The following ZC4H2 variants were observed in gnomAD, a reference collection of about 807,000 sequenced individuals.
ZC4H2 encodes zinc finger C4H2-type containing.
For synonymous variants in ZC4H2, 84 were observed against 66.3 expected, an observed-to-expected ratio of 1.27 and a Z score of -1.30; for missense variants, 137 against 173.9, an observed-to-expected ratio of 0.79 and a Z score of 1.19.
intron 1 of ZC4H2, among the ~76,000 whole-genome samples, chrX:64,950,159 T>G (rs1461560308): frequency 8.9e-6 from 1 of 111,922 alleles, no homozygotes; most frequent in Non-Finnish European, 1.9e-5. Flanking sequence ...TGAGCGGTTT[T>G]GAGTGAGTTT....
chrX:65,017,273 T>C (rs917909186), intron 1 of ZC4H2, among the ~76,000 whole-genome samples: 1 of 112,008 alleles, frequency 8.9e-6, no homozygotes, highest in African/African-American at 3.2e-5. Flanking sequence ...TCAATTATTT[T>C]GTTTATCCTC....
intron 1 of ZC4H2, among the ~76,000 whole-genome samples, chrX:64,993,066 A>G (rs998548515): frequency 4.5e-5 from 5 of 112,219 alleles, no homozygotes; most frequent in African/African-American, 1.6e-4. Context: ...CCTCCACCAT[A>G]GAGTTGCAAG....
intron 1 of ZC4H2, among the ~76,000 whole-genome samples, chrX:65,009,484 T>A (rs1280839243): frequency 8.9e-6 from 1 of 111,945 alleles, no homozygotes; most frequent in Non-Finnish European, 1.9e-5. Context: ...TGCCCCAGAA[T>A]CCTCTATCCT....
intron 1 of ZC4H2, among the ~76,000 whole-genome samples, chrX:64,954,387 T>A (rs1931064738): frequency 2.7e-5 from 2 of 73,245 alleles, no homozygotes; most frequent in East Asian, 3.3e-4. Context: ...TATATATTTA[T>A]AATTATATAT....
chrX:64,932,664 G>A lies in ZC4H2; in HGVS notation c.54-10676C>T, dbSNP rs890870186. 2.1e-3 allele frequency among the ~76,000 whole-genome samples: 229 copies of A among 111,551 alleles called. 2 individuals carry two copies. The highest frequency in any genetic ancestry group is 7.2e-3 in the African/African-American group (222 of 30,820). ...GAAAATTTTAGGGTGACATTATTTT[G>A]TTTCAGGAGGTGAAAGGTAAGACTC... On this transcript the variant is annotated intron_variant, in intron 1 of 4. Transcript: ENST00000374839.
At chrX:64,970,915 T>C (rs1339575811) in intron 1 of ZC4H2, among the ~76,000 whole-genome samples, 1 of 111,641 alleles carries the variant, frequency 9.0e-6, no homozygotes, top group Non-Finnish European at 1.9e-5. Flanking sequence ...ATGAATGCCA[T>C]GGAAACACCG....
At chrX:64,944,374 A>T (rs903659452) in intron 1 of ZC4H2, among the ~76,000 whole-genome samples, 12 of 108,260 alleles carry the variant, frequency 1.1e-4, no homozygotes, top group African/African-American at 2.4e-4. Context: ...CAATCTCAAA[A>T]TTTTTTTTCT....
chrX:64,952,556 C>T (rs1391018927), intron 1 of ZC4H2, among the ~76,000 whole-genome samples: 3 of 111,091 alleles, frequency 2.7e-5, no homozygotes, highest in Non-Finnish European at 3.8e-5. Flanking sequence ...CATGAGTGAA[C>T]TCCCTTTCAC....
upstream of ZC4H2, among the ~76,000 whole-genome samples, chrX:64,978,420 T>G (rs1932013038): frequency 8.9e-6 from 1 of 112,232 alleles, no homozygotes; most frequent in South Asian, 3.7e-4. Flanking sequence ...ATTGAGTTGG[T>G]TAGTCACAAA....
chrX:64,936,589 A>G (rs771930347), intron 1 of ZC4H2, among the ~76,000 whole-genome samples: 15 of 112,186 alleles, frequency 1.3e-4, no homozygotes, highest in African/African-American at 4.5e-4. Context: ...CAGAAACCCT[A>G]GAAGCCAGAA....
At chrX:65,001,326 T>C (rs1025413620) in intron 1 of ZC4H2, among the ~76,000 whole-genome samples, 1 of 111,782 alleles carries the variant, frequency 8.9e-6, no homozygotes, top group Non-Finnish European at 1.9e-5. Context: ...CAGCCCAGAA[T>C]TTCATATCCA....
At chrX:64,997,082 A>G (rs1030053016) in intron 1 of ZC4H2, among the ~76,000 whole-genome samples, 1 of 112,354 alleles carries the variant, frequency 8.9e-6, no homozygotes, top group Non-Finnish European at 1.9e-5. Context: ...AGACAAAGAG[A>G]TAATCTTGAA....
intron 1 of ZC4H2, among the ~76,000 whole-genome samples, chrX:65,029,651 T>A (rs1431511939): frequency 9.0e-6 from 1 of 111,607 alleles, no homozygotes; most frequent in Non-Finnish European, 1.9e-5. Context: ...AGGTGCTAGA[T>A]GAGACAAAGA....
chrX:65,020,641 T>C (rs998314715), intron 1 of ZC4H2, among the ~76,000 whole-genome samples: 72 of 110,934 alleles, frequency 6.5e-4, no homozygotes, highest in African/African-American at 2.3e-3. Flanking sequence ...ATGGGAAAAA[T>C]AAGCAGCTAC....
At chrX:64,973,214 C>T (rs1247457340) in intron 1 of ZC4H2, among the ~76,000 whole-genome samples, 2 of 110,090 alleles carry the variant, frequency 1.8e-5, no homozygotes, top group African/African-American at 6.6e-5. Context: ...GTTCATTCTC[C>T]GTAATTTTAG....
At chrX:64,997,872 C>T (rs1932450032) in intron 1 of ZC4H2, among the ~76,000 whole-genome samples, 1 of 111,813 alleles carries the variant, frequency 8.9e-6, no homozygotes, top group Non-Finnish European at 1.9e-5. Flanking sequence ...CCTGGCTCAG[C>T]CTTCCAAAAT....
At chrX:65,014,229 G>T (rs1421583802) in intron 1 of ZC4H2, among the ~76,000 whole-genome samples, 1 of 111,195 alleles carries the variant, frequency 9.0e-6, no homozygotes, top group Non-Finnish European at 1.9e-5. Flanking sequence ...AAACAACAGG[G>T]CTGCTTGTGG....
chrX:64,993,510 G>A (rs911508385), intron 1 of ZC4H2, among the ~76,000 whole-genome samples: 7 of 111,264 alleles, frequency 6.3e-5, no homozygotes, highest in Non-Finnish European at 9.4e-5. Context: ...GGTTCATTCC[G>A]CCTCTGCCAT....
At chrX:64,942,778 C>T (rs1021828057) in intron 1 of ZC4H2, among the ~76,000 whole-genome samples, 2 of 111,975 alleles carry the variant, frequency 1.8e-5, no homozygotes, top group Non-Finnish European at 3.8e-5. Context: ...GTGAATACTG[C>T]TGCAATAAGC....
Sources: allele counts gnomAD v4.1 joint callset (sites outside exome capture counted in the v4.1 genomes callset), GRCh38; gene constraint gnomAD v4.1.1; transcripts MANE v1.5; gene names NCBI Gene and HGNC (gene_info 2026-07-23, HGNC 2026-07-21).